The following ULK4 variants were observed in gnomAD, a reference collection of about 807,000 sequenced individuals.
The protein encoded by ULK4 is unc-51 like kinase 4, also known as inactive serine/threonine-protein kinase ULK4.
ULK4 carries 133 observed loss-of-function variants against 160.6 expected under a neutral mutation model. The ratio of observed to expected loss-of-function variants is 0.83; its 90% CI spans 0.72 to 0.96. The LOEUF is 0.96. Among genes scored for constraint, ULK4 ranks in the 40% least tolerant of loss-of-function variants. ULK4 has a pLI of 0.00. For missense variants in ULK4, 1,580 were observed against 1,499.5 expected, an observed-to-expected ratio of 1.05 and a Z score of -0.89; for synonymous variants, 534 against 539.8, an observed-to-expected ratio of 0.99 and a Z score of 0.15.
intron 31 of ULK4, among the ~76,000 whole-genome samples, chr3:41,585,770 CTGA>C (rs2030749944): frequency 6.6e-6 from 1 of 152,102 alleles, no homozygotes; most frequent in Non-Finnish European, 1.5e-5. Context: ...AATCGTACTT[CTGA>C]TGAGGGGTTA....
chr3:41,268,531 C>A (rs1009408178), intron 35 of ULK4, among the ~76,000 whole-genome samples: 3 of 152,172 alleles, frequency 2.0e-5, no homozygotes, highest in African/African-American at 4.8e-5. Flanking sequence ...CTCGGCAGGG[C>A]ATGGTGGCTT....
At chr3:41,636,105 A>C (rs2033939791) in intron 30 of ULK4, among the ~76,000 whole-genome samples, 2 of 149,746 alleles carry the variant, frequency 1.3e-5, no homozygotes, top group African/African-American at 5.1e-5. Context: ...ATTCTTGGAC[A>C]ACTTACATAA....
intron 29 of ULK4, among the ~76,000 whole-genome samples, chr3:41,679,102 C>A (rs2035833243): frequency 6.6e-6 from 1 of 152,056 alleles, no homozygotes; most frequent in Admixed American, 6.6e-5. Context: ...CAGGAAGGCA[C>A]AATAAGCATT....
chr3:41,797,820 C>T (rs185921920), intron 20 of ULK4, among the ~76,000 whole-genome samples: 3 of 151,330 alleles, frequency 2.0e-5, no homozygotes, highest in African/African-American at 4.9e-5. Context: ...AAGATCACAC[C>T]GTTGCACTCC....
intron 35 of ULK4, among the ~76,000 whole-genome samples, chr3:41,360,087 C>A (rs59904238): frequency 0.15 from 23,457 of 151,806 alleles, 2,035 homozygotes; most frequent in African/African-American, 0.22. Flanking sequence ...GGAAAAAAAA[C>A]CCATTAAAAA....
chr3:41,571,184 C>T (rs1294473517), intron 31 of ULK4, among the ~76,000 whole-genome samples: 3 of 152,212 alleles, frequency 2.0e-5, no homozygotes, highest in African/African-American at 7.2e-5. Flanking sequence ...CTTGCTCTTC[C>T]CTCTTACAGG....
intron 32 of ULK4, among the ~76,000 whole-genome samples, chr3:41,487,623 C>G (rs949243173): frequency 6.6e-6 from 1 of 152,058 alleles, no homozygotes; most frequent in African/African-American, 2.4e-5. Context: ...TATGGTATAA[C>G]TACCTAACCA....
intron 17 of ULK4, among the ~76,000 whole-genome samples, chr3:41,870,866 C>A (rs74836602): frequency 6.6e-6 from 1 of 152,050 alleles, no homozygotes; most frequent in African/African-American, 2.4e-5. Context: ...CCAAATCTCA[C>A]CCTGAATCGT....
intron 35 of ULK4, among the ~76,000 whole-genome samples, chr3:41,363,656 A>C (rs567645423): frequency 6.6e-6 from 1 of 152,306 alleles, no homozygotes; most frequent in East Asian, 1.9e-4. Context: ...ATAGGATGAA[A>C]ATTTGTAATA....
chr3:41,891,462 TCAAA>T (rs1292447641), intron 16 of ULK4, among the ~76,000 whole-genome samples: 1 of 118,834 alleles, frequency 8.4e-6, no homozygotes, highest in African/African-American at 3.3e-5. Flanking sequence ...AAAAGCTAAC[TCAAA>T]CAAGTCACAC....
At chr3:41,597,213 TCAA>T (rs2031753739) in intron 31 of ULK4, among the ~76,000 whole-genome samples, 1 of 152,272 alleles carries the variant, frequency 6.6e-6, no homozygotes, top group African/African-American at 2.4e-5. Flanking sequence ...TCCTTGTGTG[TCAA>T]CCATAGACCA....
intron 32 of ULK4, among the ~76,000 whole-genome samples, chr3:41,499,579 C>T (rs1370228044): frequency 6.6e-6 from 1 of 152,070 alleles, no homozygotes; most frequent in African/African-American, 2.4e-5. Context: ...GAGATTAAAC[C>T]TTCACTTCTA....
chr3:41,622,609 G>C (rs565267107), intron 30 of ULK4, among the ~76,000 whole-genome samples: 1 of 152,234 alleles, frequency 6.6e-6, no homozygotes, highest in Non-Finnish European at 1.5e-5. Flanking sequence ...GGGAGTGGAG[G>C]GAAAGGGGAG....
chr3:41,310,116 G>A (rs892332352), intron 35 of ULK4, among the ~76,000 whole-genome samples: 1 of 147,198 alleles, frequency 6.8e-6, no homozygotes, highest in African/African-American at 2.6e-5. Context: ...ATCATGAACT[G>A]ATCTTTTCTA....
intron 2 of ULK4, among the ~76,000 whole-genome samples, chr3:41,940,901 G>A (rs78720113): frequency 0.056 from 8,576 of 152,070 alleles, 310 homozygotes; most frequent in East Asian, 0.13. Flanking sequence ...AAGTTGTTTC[G>A]GAGGTTTTGC....
At position 41,407,550 on chromosome 3, in the gene ULK4, G is replaced by A. The variant is rs141830867; in HGVS notation, c.3493-9286C>T. 4.0e-3 allele frequency among the ~76,000 whole-genome samples: 606 copies of A among 152,216 alleles called. 6 individuals carry two copies. Among genetic ancestry groups the A allele is most frequent in the Middle Eastern group, 0.014 (4 of 294 alleles). On this transcript the variant is annotated intron_variant, in intron 34 of 36. Transcript: ENST00000301831. ...CCATTACCAAGTGGGATTTAGCCTA[G>A]GAATTCAAAATTAGTTTCACATGTG...
intron 34 of ULK4, among the ~76,000 whole-genome samples, chr3:41,426,498 T>C (rs538932930): frequency 3.0e-4 from 46 of 152,290 alleles, no homozygotes; most frequent in African/African-American, 1.1e-3. Flanking sequence ...GCACTTACTC[T>C]AAAGTTGATC....
chr3:41,861,353 T>C (rs1403677262), intron 17 of ULK4, among the ~76,000 whole-genome samples: 1 of 152,122 alleles, frequency 6.6e-6, no homozygotes, highest in Admixed American at 6.6e-5. Context: ...ATCCCTCAGG[T>C]TTTGTTTGTC....
At chr3:41,589,430 C>CAAAAAAAAAAAAAAAAAAAA (rs34913730) in intron 31 of ULK4, among the ~76,000 whole-genome samples, 1 of 72,114 alleles carries the variant, frequency 1.4e-5, no homozygotes, top group Non-Finnish European at 2.7e-5. Flanking sequence ...AAGGCCAGGC[C>CAAAAAAAAAAAAAAAAAAAA]AAAAAAAAAA....
Sources: allele counts gnomAD v4.1 joint callset (sites outside exome capture counted in the v4.1 genomes callset), GRCh38; gene constraint gnomAD v4.1.1; transcripts MANE v1.5; gene names NCBI Gene and HGNC (gene_info 2026-07-23, HGNC 2026-07-21).